The following PLCB1 variants were observed in gnomAD, a reference collection of about 807,000 sequenced individuals.
The protein encoded by PLCB1 is phospholipase C beta 1.
In PLCB1, 46 loss-of-function variants were observed where a neutral mutation model predicts 161.8. The observed-to-expected ratio is 0.28, with a 90% CI of 0.22 to 0.36. The LOEUF is 0.36. Among genes scored for constraint, PLCB1 ranks in the 10% least tolerant of loss-of-function variants. The pLI is 1.00. For missense variants in PLCB1, 1,016 were observed against 1,472.5 expected (o/e 0.69, Z 5.07); for synonymous variants, 517 against 503.7 (o/e 1.03, Z -0.35).
chr20:8,770,664 G>C (rs943035907), intron 26 of PLCB1, among the ~76,000 whole-genome samples: 4 of 152,212 alleles, frequency 2.6e-5, no homozygotes, highest in Non-Finnish European at 5.9e-5. Flanking sequence ...GCAAAGGCAG[G>C]AAGATGGGAA....
At chr20:8,556,999 TAAA>T (rs1985981865) in intron 3 of PLCB1, among the ~76,000 whole-genome samples, 1 of 135,954 alleles carries the variant, frequency 7.4e-6, no homozygotes, top group Non-Finnish European at 1.5e-5. Flanking sequence ...AATAAATAAA[TAAA>T]TAAATAAATA....
chr20:8,236,982 G>A (rs4292147), intron 2 of PLCB1, among the ~76,000 whole-genome samples: 10,332 of 152,116 alleles, frequency 0.068, 1,145 homozygotes, highest in African/African-American at 0.23. Context: ...GTGGTTGACA[G>A]TGGGGAGGTT....
At chr20:8,216,310 AG>A (rs36040493) in intron 2 of PLCB1, among the ~76,000 whole-genome samples, 59,587 of 151,964 alleles carry the variant, frequency 0.39, 13,323 homozygotes, top group East Asian at 0.59. Context: ...ATTTTAGGAT[AG>A]GGAAAACATA....
intron 6 of PLCB1, among the ~76,000 whole-genome samples, chr20:8,649,040 G>A (rs567309288): frequency 8.6e-5 from 13 of 151,956 alleles, no homozygotes; most frequent in African/African-American, 3.1e-4. Flanking sequence ...GTACACCTTG[G>A]GGCAATGGGT....
At chr20:8,739,585 T>G (rs919598731) in intron 21 of PLCB1, among the ~76,000 whole-genome samples, 2 of 152,258 alleles carry the variant, frequency 1.3e-5, no homozygotes, top group African/African-American at 4.8e-5. Context: ...TGAAAACTTA[T>G]ATGCAAATAT....
intron 2 of PLCB1, among the ~76,000 whole-genome samples, chr20:8,253,142 T>C (rs1225994438): frequency 2.0e-5 from 3 of 151,960 alleles, no homozygotes; most frequent in Non-Finnish European, 2.9e-5. Context: ...GAGTGCTCTA[T>C]TGAAACGACA....
At chr20:8,472,746 G>A (rs775434045) in intron 3 of PLCB1, among the ~76,000 whole-genome samples, 5 of 152,108 alleles carry the variant, frequency 3.3e-5, no homozygotes, top group Non-Finnish European at 7.3e-5. Flanking sequence ...AAGAATTGAA[G>A]AGTAGCCAAT....
intron 3 of PLCB1, among the ~76,000 whole-genome samples, chr20:8,606,074 T>C (rs1472711897): frequency 6.6e-6 from 1 of 152,178 alleles, no homozygotes; most frequent in Non-Finnish European, 1.5e-5. Context: ...CTTGGCTTGA[T>C]TCCATGACTT....
chr20:8,337,958 A>G (rs1052645528), intron 2 of PLCB1, among the ~76,000 whole-genome samples: 8 of 152,182 alleles, frequency 5.3e-5, no homozygotes, highest in Admixed American at 2.6e-4. Flanking sequence ...TGCTCATTTC[A>G]GCACATTATG....
At chr20:8,153,417 T>C (rs1257164349) in intron 2 of PLCB1, among the ~76,000 whole-genome samples, 3 of 152,106 alleles carry the variant, frequency 2.0e-5, no homozygotes, top group Non-Finnish European at 4.4e-5. Context: ...CTGTAAGTCA[T>C]GGGTGAGAAG....
intron 3 of PLCB1, among the ~76,000 whole-genome samples, chr20:8,443,433 T>A (rs1304146871): frequency 6.6e-6 from 1 of 152,184 alleles, no homozygotes; most frequent in African/African-American, 2.4e-5. Flanking sequence ...AGTATGCTAT[T>A]CAATATCAAG....
At chr20:8,365,475 A>C (rs945163016) in intron 2 of PLCB1, among the ~76,000 whole-genome samples, 3 of 152,170 alleles carry the variant, frequency 2.0e-5, no homozygotes, top group African/African-American at 7.2e-5. Context: ...TAGGAAACAA[A>C]GGAAAAGAGA....
At chr20:8,628,253 C>G (rs774141602) in intron 3 of PLCB1, 41 bp from the exon 4 acceptor site, 6 of 1,486,188 alleles carry the variant, frequency 4.0e-6, no homozygotes, top group Non-Finnish European at 9.4e-7. Flanking sequence ...ACGTTGGAAT[C>G]TCTAGTTATA....
intron 9 of PLCB1, among the ~76,000 whole-genome samples, chr20:8,672,092 G>T (rs981955346): frequency 3.3e-5 from 5 of 152,074 alleles, no homozygotes; most frequent in Non-Finnish European, 7.4e-5. Context: ...ATGTTTAATG[G>T]CATGAAACAC....
At chr20:8,741,045 G>A (rs1980853547) in intron 22 of PLCB1, among the ~76,000 whole-genome samples, 2 of 152,302 alleles carry the variant, frequency 1.3e-5, no homozygotes, top group South Asian at 4.1e-4. Context: ...TATGTAAAAT[G>A]TCTCCATTTA....
Position 8,132,873 on chromosome 20 carries a change from C to T in PLCB1, c.99+123C>T, listed in dbSNP as rs1013286174. The stretch of plus-strand genomic sequence containing the variant: ...CACTGGGAGCGGGCAGGGGCAGCCT[C>T]GGGCGCACAGGTTGGCATCTGCCAA... On this transcript the variant is annotated intron_variant, in intron 1 of 31. Coordinates refer to ENST00000338037, the MANE Select transcript of PLCB1 (RefSeq NM_015192.4). This position sits in a 1 kb window ranked among gnomAD's most constrained non-coding sequence, Gnocchi z 5.2. 35 of 690,084 alleles carry T rather than the reference C, an allele frequency of 5.1e-5. No homozygotes were observed. The highest frequency in any genetic ancestry group is 8.8e-5 in the East Asian group (3 of 33,900). 42.7% of individuals were successfully genotyped at this position (690,084 alleles called of 1,614,324 possible).
chr20:8,552,407 T>A (rs1411502854), intron 3 of PLCB1, among the ~76,000 whole-genome samples: 1 of 152,088 alleles, frequency 6.6e-6, no homozygotes, highest in African/African-American at 2.4e-5. Context: ...CGTGGTAGAT[T>A]TGCAGGGAAG....
chr20:8,192,020 AAT>A (rs2123110085), intron 2 of PLCB1, among the ~76,000 whole-genome samples: 2 of 152,174 alleles, frequency 1.3e-5, no homozygotes, highest in East Asian at 3.9e-4. Context: ...ATTCAGTATA[AAT>A]ATAGTTAGGA....
chr20:8,403,887 T>A (rs750448965), intron 3 of PLCB1, among the ~76,000 whole-genome samples: 96 of 152,340 alleles, frequency 6.3e-4, no homozygotes, highest in Non-Finnish European at 6.8e-4. Flanking sequence ...TAGTAACTCA[T>A]TTGTACTTGA....
Sources: gnomAD v4.1 joint callset for allele counts (sites outside exome capture counted in the v4.1 genomes callset) on GRCh38, gnomAD v4.1.1 for gene constraint, Gnocchi (gnomAD v3.1) non-coding constraint, MANE v1.5 for transcripts, NCBI Gene and HGNC (gene_info 2026-07-23, HGNC 2026-07-21) for gene names.